The following ABL1 variants were observed in gnomAD, a reference collection of about 807,000 sequenced individuals.
The protein encoded by ABL1 is tyrosine-protein kinase ABL1.
ABL1 carries 11 observed loss-of-function variants against 94.7 expected under a neutral mutation model. That is an observed-to-expected ratio of 0.12 (90% CI 0.07 to 0.19). ABL1 has a LOEUF of 0.19. Among genes scored for constraint, ABL1 ranks in the 10% least tolerant of loss-of-function variants. The probability of loss-of-function intolerance (pLI) is 1.00; values close to 1 mark genes in which losing one functional copy is unlikely to be tolerated. For missense variants in ABL1, 1,082 were observed against 1,489.4 expected, an observed-to-expected ratio of 0.73 and a Z score of 4.50; for synonymous variants, 656 against 622.4, an observed-to-expected ratio of 1.05 and a Z score of -0.80.
At chr9:130,727,747 C>T (rs965088976) in intron 1 of ABL1, among the ~76,000 whole-genome samples, 4 of 112,502 alleles carry the variant, frequency 3.6e-5, no homozygotes, top group Non-Finnish European at 6.9e-5. Flanking sequence ...CAGAGTGAGA[C>T]ACCGCCCCCC....
chr9:130,739,454 T>G (rs1831789651), intron 1 of ABL1, among the ~76,000 whole-genome samples: 1 of 151,994 alleles, frequency 6.6e-6, no homozygotes, highest in African/African-American at 2.4e-5. Context: ...TAAAAAAAAT[T>G]TTTAAGCTTT....
intron 1 of ABL1, among the ~76,000 whole-genome samples, chr9:130,806,716 T>C (rs1442921041): frequency 6.6e-6 from 1 of 152,182 alleles, no homozygotes; most frequent in Non-Finnish European, 1.5e-5. Flanking sequence ...AGTATATACT[T>C]TTAAATCCCA....
chr9:130,865,650 A>G (rs927967811), intron 4 of ABL1, among the ~76,000 whole-genome samples: 1 of 148,272 alleles, frequency 6.7e-6, no homozygotes, highest in Admixed American at 6.9e-5. Context: ...GGAGGCTGAC[A>G]TGGGAGGATT....
intron 1 of ABL1, among the ~76,000 whole-genome samples, chr9:130,849,645 G>C (rs1830826467): frequency 1.3e-5 from 2 of 151,980 alleles, no homozygotes; most frequent in African/African-American, 4.8e-5. Flanking sequence ...CAACTCCTTA[G>C]CAGCTTGGAT....
intron 1 of ABL1, among the ~76,000 whole-genome samples, chr9:130,768,270 G>A (rs1832208818): frequency 6.6e-6 from 1 of 152,198 alleles, no homozygotes; most frequent in African/African-American, 2.4e-5. Flanking sequence ...CTACATTTGT[G>A]AATTTGTAAA....
At chr9:130,726,083 T>G (rs1274042547) in intron 1 of ABL1, among the ~76,000 whole-genome samples, 2 of 151,874 alleles carry the variant, frequency 1.3e-5, no homozygotes, top group Non-Finnish European at 2.9e-5. Flanking sequence ...ACTCCTGGGC[T>G]CAGGTGATAC....
chr9:130,823,918 A>G (rs1830395081), intron 1 of ABL1, among the ~76,000 whole-genome samples: 1 of 152,160 alleles, frequency 6.6e-6, no homozygotes, highest in African/African-American at 2.4e-5. Context: ...CATCAAAGAA[A>G]GTCTAGTTGA....
intron 1 of ABL1, among the ~76,000 whole-genome samples, chr9:130,727,837 C>T (rs1831608412): frequency 6.7e-6 from 1 of 148,526 alleles, no homozygotes; most frequent in Non-Finnish European, 1.5e-5. Flanking sequence ...CTCAAGAAGC[C>T]AGAGAACCAA....
intron 1 of ABL1, among the ~76,000 whole-genome samples, chr9:130,788,967 A>G (rs1829867225): frequency 6.6e-6 from 1 of 152,110 alleles, no homozygotes; most frequent in Admixed American, 6.6e-5. Context: ...TTCCTCTTGC[A>G]TCTATTTGCT....
intron 1 of ABL1, among the ~76,000 whole-genome samples, chr9:130,753,422 C>CTTTTTTTTTTTTTTT (rs71389347): frequency 2.9e-3 from 265 of 90,322 alleles, no homozygotes; most frequent in Non-Finnish European, 3.5e-3. Context: ...TTTTTCTTTT[C>CTTTTTTTTTTTTTTT]TTTTTTTTTT....
rs372838676 is a variant in ABL1, at chr9:130,769,329, C to CTTTTTT, written c.136+54891_136+54896dup. Among the ~76,000 whole-genome samples the CTTTTTT allele has an allele frequency of 4.1e-3, 349 of 84,224 alleles. 7 individuals are homozygous for CTTTTTT. The highest frequency in any genetic ancestry group is 6.0e-3 in the African/African-American group (130 of 21,528). The allele number at this position is 84,224 out of a possible 152,430, so 55.3% of individuals were successfully genotyped here. A position where few individuals can be genotyped will look rare whatever the true frequency, so the allele number is the denominator to read the frequency against. ...TGGAGAGCCAAACTATGGCCCTAGT[C>CTTTTTT]TTTTTTTTTTTTTTTTTTTTTTGAG... On this transcript the variant is annotated intron_variant, in intron 1 of 10. Transcript: ENST00000372348.
intron 3 of ABL1, among the ~76,000 whole-genome samples, chr9:130,858,877 C>G (rs1013922231): frequency 5.3e-5 from 8 of 152,296 alleles, no homozygotes; most frequent in African/African-American, 1.9e-4. Context: ...TTATTTGTGT[C>G]TCTCCTCGTG....
chr9:130,866,230 G>T (rs576044156), intron 4 of ABL1, among the ~76,000 whole-genome samples: 1 of 152,226 alleles, frequency 6.6e-6, no homozygotes, highest in East Asian at 1.9e-4. Flanking sequence ...GCAGCATCAG[G>T]ATTTGAACTG....
intron 8 of ABL1, 76 bp downstream of exon 8, chr9:130,878,643 C>T: frequency 6.5e-7 from 1 of 1,543,658 alleles, no homozygotes; most frequent in Non-Finnish European, 8.8e-7. Context: ...AGTGTGTACA[C>T]AAAGTTGAAA....
At chr9:130,806,743 C>T (rs954437170) in intron 1 of ABL1, among the ~76,000 whole-genome samples, 31 of 151,978 alleles carry the variant, frequency 2.0e-4, no homozygotes, top group African/African-American at 7.2e-4. Flanking sequence ...CACACAAAAG[C>T]TAGCATACTG....
rs1331155661 is a variant in ABL1, at chr9:130,767,755, A to C, written c.136+53300A>C. On this transcript the variant is annotated intron_variant, in intron 1 of 10. Transcript: ENST00000372348. ...TCTCTGAAGTAAAGTGCACGTGTGC[A>C]TGTGTGTGCACACTCACACACACGT... Among the ~76,000 whole-genome samples, 3 of 152,266 alleles carry C rather than the reference A, an allele frequency of 2.0e-5. No homozygotes were observed. The East Asian group carries it at 5.8e-4, about 29-fold the overall frequency.
rs778583995 is a variant in ABL1 at position 130,873,163 on chromosome 9, T to C, written c.1085+126T>C. The C allele has an allele frequency of 4.0e-6, 4 of 996,918 alleles. No individual in the cohort carries two copies. In the South Asian group the frequency reaches 7.0e-5, roughly 18 times the overall value. The allele number at this position is 996,918 out of a possible 1,614,324, so 61.8% of individuals were successfully genotyped here. On this transcript the variant is annotated intron_variant, in intron 6 of 10. Coordinates refer to ENST00000318560, the MANE Select transcript of ABL1 (RefSeq NM_005157.6). ...TTCTAACCTCAGTGCTGGCAACACA[T>C]TGGACCTTGGAACAAAGGCAAACAC...
chr9:130,833,946 T>G (rs1478074675), upstream of ABL1: 4 of 443,686 alleles, frequency 9.0e-6, no homozygotes, highest in East Asian at 2.9e-4. Flanking sequence ...TGACCAAAGA[T>G]ATCCAATGCT....
At chr9:130,836,912 C>T (rs1432493928) in intron 1 of ABL1, among the ~76,000 whole-genome samples, 1 of 149,744 alleles carries the variant, frequency 6.7e-6, no homozygotes, top group African/African-American at 2.4e-5. Context: ...CCATGTTTTT[C>T]TTTTTAAAAA....
Sources: gnomAD v4.1 joint callset for allele counts (sites outside exome capture counted in the v4.1 genomes callset) on GRCh38, gnomAD v4.1.1 for gene constraint, MANE v1.5 for transcripts, NCBI Gene and HGNC (gene_info 2026-07-23, HGNC 2026-07-21) for gene names.